Variants in DACH1 observed in about 807,000 individuals in gnomAD.
The protein encoded by DACH1 is dachshund family transcription factor 1, also known as dachshund homolog 1.
A neutral mutation model predicts 54.2 loss-of-function variants in DACH1; 12 were observed. That is an observed-to-expected ratio of 0.22 (90% confidence interval 0.14 to 0.36). The LOEUF is 0.36. DACH1 is among the 10% of genes least tolerant of loss of function. DACH1 has a pLI of 1.00. For synonymous variants in DACH1, 386 were observed against 366.2 expected (o/e 1.05, Z -0.62); for missense variants, 805 against 929.8 (o/e 0.87, Z 1.75).
intron 3 of DACH1, among the ~76,000 whole-genome samples, chr13:71,613,424 A>AT (rs1265185960): frequency 1.3e-5 from 2 of 152,176 alleles, no homozygotes; most frequent in Non-Finnish European, 2.9e-5. Context: ...CCATTGAAAG[A>AT]TTTTTTAAAA....
intron 10 of DACH1, among the ~76,000 whole-genome samples, chr13:71,465,793 T>C (rs565884799): frequency 1.3e-3 from 203 of 152,242 alleles, no homozygotes; most frequent in African/African-American, 4.7e-3. Context: ...AACTTCCTAG[T>C]TATTTGGAAT....
At chr13:71,757,515 A>G (rs1885217823) in intron 1 of DACH1, among the ~76,000 whole-genome samples, 1 of 149,904 alleles carries the variant, frequency 6.7e-6, no homozygotes. Context: ...GAGAATTTTT[A>G]AAGGTACTTT....
intron 1 of DACH1, among the ~76,000 whole-genome samples, chr13:71,725,630 T>A (rs1342885020): frequency 6.6e-6 from 1 of 152,162 alleles, no homozygotes; most frequent in South Asian, 2.1e-4. Context: ...GATTAGTAGA[T>A]GTTCTTTACA....
At chr13:71,543,927 A>C (rs2138339110) in intron 6 of DACH1, among the ~76,000 whole-genome samples, 1 of 152,256 alleles carries the variant, frequency 6.6e-6, no homozygotes, top group African/African-American at 2.4e-5. Flanking sequence ...TTTACCACAT[A>C]TCTTTCTCTA....
At chr13:71,568,760 A>G (rs1188241931) in intron 4 of DACH1, among the ~76,000 whole-genome samples, 1 of 152,138 alleles carries the variant, frequency 6.6e-6, no homozygotes, top group Admixed American at 6.5e-5. Context: ...ATTACATAAC[A>G]TCTCAAGTCT....
chr13:71,733,159 GT>G (rs1298691868), intron 1 of DACH1, among the ~76,000 whole-genome samples: 1 of 152,080 alleles, frequency 6.6e-6, no homozygotes, highest in Non-Finnish European at 1.5e-5. Flanking sequence ...CTATTTGGGG[GT>G]TTTTTGGTTA....
rs576549277 is a variant in DACH1 at position 71,735,253 on chromosome 13, A to T, written c.849-53343T>A. On this transcript the variant is annotated intron_variant, in intron 1 of 10. Transcript: ENST00000613252. The stretch of plus-strand genomic sequence containing the variant: ...TATATGGGATACACGTATATGGGAT[A>T]TACGTGTATATGGGATACACGTATG... Among the ~76,000 whole-genome samples, 90 of 98,480 alleles carry T rather than the reference A, an allele frequency of 9.1e-4. 20 individuals carry two copies. Among genetic ancestry groups the T allele is most frequent in the Non-Finnish European group, 1.7e-3 (59 of 35,590 alleles). The allele number at this position is 98,480 out of a possible 152,430, so 64.6% of individuals were successfully genotyped here.
rs551337802 is a variant in DACH1 at position 71,540,480 on chromosome 13, T to A, written c.1570+16544A>T. Among the ~76,000 whole-genome samples, 5 of 152,214 alleles carry A rather than the reference T, an allele frequency of 3.3e-5. No individual in the cohort carries two copies. The South Asian group carries it at 1.0e-3, about 32-fold the overall frequency. ...CCTCTTTTGTTTTAACTATAAACCA[T>A]AATCTTTCAGAAGTAAATATAATTA... On this transcript the variant is annotated intron_variant, in intron 6 of 10. Coordinates refer to ENST00000613252, the MANE Select transcript of DACH1 (RefSeq NM_080759.6).
chr13:71,733,957 G>C (rs192655065), intron 1 of DACH1, among the ~76,000 whole-genome samples: 1 of 152,090 alleles, frequency 6.6e-6, no homozygotes, highest in Admixed American at 6.5e-5. Flanking sequence ...GCTGATGCAG[G>C]AGAAGCACTT....
chr13:71,556,616 T>C (rs1884267386), intron 6 of DACH1, among the ~76,000 whole-genome samples: 1 of 152,116 alleles, frequency 6.6e-6, no homozygotes, highest in South Asian at 2.1e-4. Flanking sequence ...TCTGTTTCCT[T>C]ATTGGTCTGT....
chr13:71,616,681 A>G, intron 3 of DACH1, among the ~76,000 whole-genome samples: 1 of 151,980 alleles, frequency 6.6e-6, no homozygotes, highest in Admixed American at 6.6e-5. Context: ...GCTGCAGTGA[A>G]CTATGGTTCC....
At chr13:71,705,580 A>T (rs1882400915) in intron 1 of DACH1, among the ~76,000 whole-genome samples, 2 of 152,222 alleles carry the variant, frequency 1.3e-5, no homozygotes, top group African/African-American at 4.8e-5. Flanking sequence ...TTCTTCATTG[A>T]ATTCACATAG....
At chr13:71,782,100 T>C (rs2138069140) in intron 1 of DACH1, among the ~76,000 whole-genome samples, 1 of 152,262 alleles carries the variant, frequency 6.6e-6, no homozygotes, top group Admixed American at 6.5e-5. Context: ...CACTCATGTC[T>C]CATCCTCCTA....
At chr13:71,481,705 A>G (rs532551082) in intron 7 of DACH1, among the ~76,000 whole-genome samples, 1 of 152,220 alleles carries the variant, frequency 6.6e-6, no homozygotes, top group Non-Finnish European at 1.5e-5. Flanking sequence ...ATGCAAAAGT[A>G]TGTTACCGCC....
At chr13:71,459,507 T>G (rs761765035) in intron 10 of DACH1, among the ~76,000 whole-genome samples, 46 of 151,898 alleles carry the variant, frequency 3.0e-4, no homozygotes, top group Admixed American at 9.9e-4. Context: ...CATCCAGAAC[T>G]TTTTTTATGG....
intron 8 of DACH1, among the ~76,000 whole-genome samples, chr13:71,476,355 T>C (rs918136989): frequency 6.6e-6 from 1 of 152,186 alleles, no homozygotes; most frequent in Non-Finnish European, 1.5e-5. Flanking sequence ...TTTAATAATT[T>C]CTTTCTTAAA....
chr13:71,620,645 T>A (rs1274097907), intron 3 of DACH1, among the ~76,000 whole-genome samples: 1 of 151,998 alleles, frequency 6.6e-6, no homozygotes, highest in African/African-American at 2.4e-5. Context: ...TTACATATAC[T>A]TACATAATTT....
chr13:71,552,842 TAGAGAGAGAGAGAGAG>T (rs1167871695), intron 6 of DACH1, among the ~76,000 whole-genome samples: 3 of 12,536 alleles, frequency 2.4e-4, no homozygotes, highest in African/African-American at 6.1e-4. Context: ...TATATATATA[TAGAGAGAGAGAGAGAG>T]AGAGAGAGAG....
intron 3 of DACH1, among the ~76,000 whole-genome samples, chr13:71,583,367 A>C (rs183914386): frequency 2.1e-4 from 32 of 152,340 alleles, no homozygotes; most frequent in Admixed American, 1.9e-3. Flanking sequence ...CCTTGGTAAA[A>C]AATAAATAAT....
Sources: allele counts gnomAD v4.1 joint callset (sites outside exome capture counted in the v4.1 genomes callset), GRCh38; gene constraint gnomAD v4.1.1; transcripts MANE v1.5; gene names NCBI Gene and HGNC (gene_info 2026-07-23, HGNC 2026-07-21).